Variants in ABCC12 observed in about 807,000 individuals in gnomAD.
ABCC12 encodes ATP binding cassette subfamily C member 12.
A neutral mutation model predicts 151.1 loss-of-function variants in ABCC12; 142 were observed. The observed-to-expected ratio is 0.94, with a 90% confidence interval of 0.82 to 1.08. ABCC12 has a LOEUF of 1.08. ABCC12 is among the 50% of genes least tolerant of loss of function. ABCC12 has a pLI of 0.00. For missense variants in ABCC12, 1,638 were observed against 1,691.1 expected, an observed-to-expected ratio of 0.97 and a Z score of 0.55; for synonymous variants, 645 against 646.4, an observed-to-expected ratio of 1.00 and a Z score of 0.03.
intron 25 of ABCC12, among the ~76,000 whole-genome samples, chr16:48,089,912 G>C (rs1029498512): frequency 6.6e-6 from 1 of 152,130 alleles, no homozygotes; most frequent in Non-Finnish European, 1.5e-5. Context: ...AAAACTTAAA[G>C]CTTACTATGT....
chr16:48,101,599 C>T (rs182274307), intron 22 of ABCC12, among the ~76,000 whole-genome samples: 11 of 152,030 alleles, frequency 7.2e-5, no homozygotes, highest in Middle Eastern at 3.4e-3. Context: ...AGAGAGAAGA[C>T]AATCAAACCT....
intron 18 of ABCC12, among the ~76,000 whole-genome samples, chr16:48,110,569 A>G (rs1412813763): frequency 6.6e-6 from 1 of 151,974 alleles, no homozygotes; most frequent in Non-Finnish European, 1.5e-5. Flanking sequence ...TCTATGGAGG[A>G]GAAGAGGTGG....
chr16:48,086,456 T>G, intron 28 of ABCC12: 1 of 313,624 alleles, frequency 3.2e-6, no homozygotes, highest in South Asian at 5.6e-5. Flanking sequence ...AGCTTTAATT[T>G]CTTCATCTCT....
intron 26 of ABCC12, 92 bp from the exon 27 acceptor site, chr16:48,088,177 T>C: frequency 1.4e-6 from 2 of 1,398,258 alleles, no homozygotes; most frequent in East Asian, 2.4e-5. Flanking sequence ...TTTAATGCAA[T>C]GCAAATGTCT....
chr16:48,143,548 C>G (rs1964893033), intron 4 of ABCC12, among the ~76,000 whole-genome samples: 1 of 152,150 alleles, frequency 6.6e-6, no homozygotes, highest in Non-Finnish European at 1.5e-5. Context: ...TGGCTGTGTC[C>G]CCACCCAAAT....
chr16:48,115,701 G>A, intron 14 of ABCC12, 83 bp from the exon 15 acceptor site: 2 of 1,391,900 alleles, frequency 1.4e-6, no homozygotes, highest in South Asian at 2.8e-5. Flanking sequence ...AGCTTCTCAG[G>A]ACTCAGGGGA....
intron 10 of ABCC12, 105 bp downstream of exon 10, chr16:48,130,683 A>G: frequency 1.2e-6 from 1 of 839,134 alleles, no homozygotes; most frequent in Non-Finnish European, 1.9e-6. Flanking sequence ...TCAACTCAAC[A>G]AGCGACCCAG....
At chr16:48,123,272 G>A (rs1964132172) in intron 12 of ABCC12, among the ~76,000 whole-genome samples, 1 of 152,072 alleles carries the variant, frequency 6.6e-6, no homozygotes. Flanking sequence ...ATCATTATGT[G>A]GGGAATTGAG....
intron 9 of ABCC12, among the ~76,000 whole-genome samples, chr16:48,132,458 C>T (rs1212288278): frequency 2.6e-5 from 4 of 152,178 alleles, no homozygotes; most frequent in Admixed American, 1.3e-4. Flanking sequence ...CTCTTTCCTC[C>T]CCCGTGAGGT....
intron 1 of ABCC12, among the ~76,000 whole-genome samples, chr16:48,154,323 A>AT (rs1965154941): frequency 6.6e-6 from 1 of 152,008 alleles, no homozygotes. Flanking sequence ...TAGTTTAAAC[A>AT]TTTTTTTCCA....
At chr16:48,142,274 C>T (rs1228667598) in intron 4 of ABCC12, among the ~76,000 whole-genome samples, 1 of 152,170 alleles carries the variant, frequency 6.6e-6, no homozygotes, top group African/African-American at 2.4e-5. Flanking sequence ...TGGATGCTGG[C>T]CATGCAGTTT....
intron 29 of ABCC12, among the ~76,000 whole-genome samples, chr16:48,085,047 G>A (rs944117120): frequency 2.0e-5 from 3 of 151,968 alleles, no homozygotes; most frequent in African/African-American, 7.3e-5. Context: ...TCAGATCCAC[G>A]CCGGCCCCTC....
At chr16:48,132,583 A>T (rs577598724) in intron 9 of ABCC12, among the ~76,000 whole-genome samples, 3 of 151,360 alleles carry the variant, frequency 2.0e-5, no homozygotes, top group Non-Finnish European at 2.9e-5. Flanking sequence ...TTTAATATTT[A>T]GTTGGTTTTT....
Position 48,081,616 on chromosome 16 carries a change from T to G in ABCC12, c.*2099A>C, listed in dbSNP as rs565075965. Among the ~76,000 whole-genome samples, 11 of 152,318 alleles carry G rather than the reference T, an allele frequency of 7.2e-5. No individual in the cohort carries two copies. The highest frequency in any genetic ancestry group is 1.5e-4 in the Non-Finnish European group (10 of 68,026). ...CCCATCTCATGGGGTGAGATGAGGA[T>G]TCAGTGAAATAATTCATGGAAAAAA... On this transcript the variant is annotated 3_prime_UTR_variant, in exon 31 of 31. Transcript: ENST00000311303.
intron 13 of ABCC12, among the ~76,000 whole-genome samples, chr16:48,120,563 T>G (rs1349139860): frequency 2.0e-5 from 3 of 151,892 alleles, no homozygotes; most frequent in Admixed American, 6.6e-5. Flanking sequence ...TTTTTGTTTT[T>G]TTTTTTTTTT....
In ABCC12 at chr16:48,104,161, C is replaced by T; in HGVS notation, c.2881G>A (p.Gly961Ser). ...VLLVVASLAV[G>S]FFILLRIFHR... Reference sequence around the variant, plus strand: ...GCCTACCGTAACAGAATGAAGAAGCCTACAGCAAGGCTGGCCACGACTAAA... The same window carrying T: ...GCCTACCGTAACAGAATGAAGAAGCTTACAGCAAGGCTGGCCACGACTAAA... The change falls in exon 22 of 31, where the codon GGC (glycine) becomes AGC (serine). Residue 961 changes from glycine to serine, a missense_variant. Transcript: ENST00000311303. 1 of 1,614,166 alleles carries T rather than the reference C, an allele frequency of 6.2e-7. No homozygotes were observed. Among genetic ancestry groups the T allele is most frequent in the Non-Finnish European group, 8.5e-7 (1 of 1,180,032 alleles).
intron 24 of ABCC12, among the ~76,000 whole-genome samples, chr16:48,093,813 G>A (rs1209866053): frequency 6.6e-6 from 1 of 152,210 alleles, no homozygotes; most frequent in Non-Finnish European, 1.5e-5. Context: ...CACAGTGCTG[G>A]CCCCAGGAAG....
intron 24 of ABCC12, among the ~76,000 whole-genome samples, chr16:48,092,647 A>C (rs1048559808): frequency 3.9e-5 from 6 of 152,150 alleles, no homozygotes; most frequent in South Asian, 4.1e-4. Flanking sequence ...CCAGAGTTGA[A>C]GGTTATAGAC....
intron 2 of ABCC12, chr16:48,146,842 G>GAC (rs138216328): frequency 2.4e-5 from 5 of 210,038 alleles, no homozygotes; most frequent in Non-Finnish European, 2.9e-5. Context: ...AAGTTTGGCT[G>GAC]ACACACACAC....
Sources: allele counts gnomAD v4.1 joint callset (sites outside exome capture counted in the v4.1 genomes callset), GRCh38; gene constraint gnomAD v4.1.1; transcripts MANE v1.5; gene names NCBI Gene and HGNC (gene_info 2026-07-23, HGNC 2026-07-21).